MCMBP: variants seen among roughly 807,000 people sequenced by gnomAD.
The protein encoded by MCMBP is mini-chromosome maintenance complex-binding protein.
MCMBP carries 31 observed loss-of-function variants against 81.3 expected under a neutral mutation model. That is an observed-to-expected ratio of 0.38 (90% CI 0.29 to 0.51). The LOEUF is 0.51. Among genes scored for constraint, MCMBP ranks in the 20% least tolerant of loss-of-function variants. MCMBP has a pLI of 0.87. For missense variants in MCMBP, 645 were observed against 772.1 expected, an observed-to-expected ratio of 0.84 and a Z score of 1.95; for synonymous variants, 267 against 275.9, an observed-to-expected ratio of 0.97 and a Z score of 0.32.
At chr10:119,862,296 A>C (rs1853285877) in intron 1 of MCMBP, among the ~76,000 whole-genome samples, 1 of 152,020 alleles carries the variant, frequency 6.6e-6, no homozygotes, top group Non-Finnish European at 1.5e-5. Flanking sequence ...GACTAGAGTG[A>C]ATCTTCGTCC....
At chr10:119,834,861 CA>C (rs71019725) in intron 14 of MCMBP, among the ~76,000 whole-genome samples, 127 of 67,280 alleles carry the variant, frequency 1.9e-3, no homozygotes, top group South Asian at 0.015. Flanking sequence ...GACCCTGTCT[CA>C]AAAAAAAAAA....
At chr10:119,831,913 AT>A (rs1273034159) in intron 15 of MCMBP, 98 bp downstream of exon 15, 5 of 1,249,164 alleles carry the variant, frequency 4.0e-6, no homozygotes, top group Admixed American at 4.8e-5. Flanking sequence ...GGAAAAGTTC[AT>A]TTCCGTTTTT....
chr10:119,843,117 G>A (rs1412200481), intron 9 of MCMBP, 137 bp downstream of exon 9: 1 of 962,854 alleles, frequency 1.0e-6, no homozygotes, highest in Non-Finnish European at 1.7e-6. Context: ...GGGGCAACGA[G>A]AGAGAGATTA....
rs1853156141 is a variant in MCMBP, at chr10:119,859,153, T to C, written c.173A>G (p.His58Arg). Residue 58 changes from histidine to arginine, a missense_variant, in exon 3 of 16, where the codon CAT becomes CGT. His to Arg is a conservative substitution (Grantham distance 29). Transcript: ENST00000369077. ...CACAAAACTATTAGGTTTCAAATAA[T>C]GAAGGGGAACTTCGTTCAGTGATGG... ...WVPSLNEVPL[H>R]YLKPNSFVKF... The C allele has an allele frequency of 6.2e-7, 1 of 1,613,610 alleles. No homozygotes were observed. Among genetic ancestry groups the C allele is most frequent in the African/African-American group, 1.3e-5 (1 of 74,882 alleles).
rs1448468740 is a variant in MCMBP at position 119,872,837 on chromosome 10, G to A, written c.-253C>T. The A allele has an allele frequency of 1.2e-5, 2 of 162,436 alleles. No homozygotes were observed. The highest frequency in any genetic ancestry group is 2.4e-5 in the African/African-American group (1 of 41,514). The allele number at this position is 162,436 out of a possible 1,614,324, so 10.1% of individuals were successfully genotyped here. On this transcript the variant is annotated 5_prime_UTR_variant, in exon 1 of 16. Coordinates refer to ENST00000369077, the MANE Select transcript of MCMBP (RefSeq NM_001256378.2). ...CGTACGGGCCCCTAGCCTTCACTTC[G>A]CACAATGGCGGGAAATAGCCGCCGC... is the stretch of plus-strand genomic sequence containing the variant.
intron 1 of MCMBP, among the ~76,000 whole-genome samples, chr10:119,863,684 G>A (rs1437576377): frequency 1.0e-4 from 13 of 124,096 alleles, no homozygotes; most frequent in South Asian, 2.8e-4. Context: ...AGCTGAGATC[G>A]CACCACTGCA....
intron 11 of MCMBP, among the ~76,000 whole-genome samples, chr10:119,839,602 A>G (rs995804361): frequency 6.6e-6 from 1 of 151,854 alleles, no homozygotes; most frequent in African/African-American, 2.4e-5. Flanking sequence ...GGTCCCGAGA[A>G]CCCCCAGGGA....
chr10:119,837,126 C>T, intron 12 of MCMBP, 97 bp from the exon 13 acceptor site: 1 of 1,288,882 alleles, frequency 7.8e-7, no homozygotes, highest in Non-Finnish European at 1.1e-6. Context: ...GTTTCTACCA[C>T]TTTTAATAAA....
At chr10:119,841,876 TA>T (rs1852445786) in intron 10 of MCMBP, among the ~76,000 whole-genome samples, 1 of 152,154 alleles carries the variant, frequency 6.6e-6, no homozygotes, top group South Asian at 2.1e-4. Context: ...GCAAAAGGGA[TA>T]AAACAGCTCA....
In MCMBP at chr10:119,831,379, A is replaced by C. The variant is rs1852028950; in HGVS notation, c.*95T>G. ...AGGAAATGTCACTGGTTTGTGATAG[A>C]AATTACCTATAAAACAATGTGGTAT... On this transcript the variant is annotated 3_prime_UTR_variant, in exon 16 of 16. Transcript: ENST00000369077. 1 of 1,463,056 alleles carries C rather than the reference A, an allele frequency of 6.8e-7. No homozygotes were observed. The highest frequency in any genetic ancestry group is 1.9e-5 in the Admixed American group (1 of 52,782). The allele number at this position is 1,463,056 out of a possible 1,614,324, so 90.6% of individuals were successfully genotyped here.
At chr10:119,863,261 A>C (rs1330848589) in intron 1 of MCMBP, among the ~76,000 whole-genome samples, 6 of 152,130 alleles carry the variant, frequency 3.9e-5, no homozygotes, top group African/African-American at 1.4e-4. Flanking sequence ...TTTTCTTCTA[A>C]AAGTTTTATA....
intron 4 of MCMBP, 38 bp downstream of exon 4, chr10:119,858,846 C>A (rs1853142165): frequency 6.8e-7 from 1 of 1,461,224 alleles, no homozygotes; most frequent in East Asian, 2.3e-5. Context: ...GGAAAAAATT[C>A]TTACTAAAAA....
At chr10:119,863,992 T>C (rs1340387860) in intron 1 of MCMBP, among the ~76,000 whole-genome samples, 1 of 149,712 alleles carries the variant, frequency 6.7e-6, no homozygotes, top group Non-Finnish European at 1.5e-5. Flanking sequence ...TTAAGGTTAA[T>C]AATCAGTTGA....
rs557637633 is a variant in MCMBP at position 119,852,848 on chromosome 10, A to G, written c.574+202T>C. ...AGACTCCAAACACATACATCAGAGC[A>G]GCCACTTGTCACAAAGTGATGCCTA... On this transcript the variant is annotated intron_variant, in intron 6 of 15. Coordinates refer to ENST00000369077, the MANE Select transcript of MCMBP (RefSeq NM_001256378.2). 9.8e-5 allele frequency among the ~76,000 whole-genome samples: 15 copies of G among 152,382 alleles called. No homozygotes were observed. The South Asian group carries it at 1.4e-3, about 15-fold the overall frequency.
At position 119,848,853 on chromosome 10, in the gene MCMBP, A is replaced by G. The variant is rs150472710; in HGVS notation, c.726+572T>C. Among the ~76,000 whole-genome samples, 364 of 152,308 alleles carry G rather than the reference A, an allele frequency of 2.4e-3. 1 individual carries two copies. The highest frequency in any genetic ancestry group is 8.0e-3 in the African/African-American group (331 of 41,560). ...AAGGAAGAAGACAAAAATGAAGAAG[A>G]TATTATGTTAGAAATGATACAGGAA... is the stretch of plus-strand genomic sequence containing the variant. On this transcript the variant is annotated intron_variant, in intron 7 of 15. Coordinates refer to ENST00000369077, the MANE Select transcript of MCMBP (RefSeq NM_001256378.2).
intron 14 of MCMBP, among the ~76,000 whole-genome samples, chr10:119,834,552 C>G (rs376876753): frequency 1.1e-4 from 17 of 152,112 alleles, no homozygotes; most frequent in African/African-American, 4.1e-4. Flanking sequence ...CGAGGTAGCT[C>G]ACACCTCTAA....
At chr10:119,844,643 T>C (rs1211845496) in intron 8 of MCMBP, among the ~76,000 whole-genome samples, 1 of 152,160 alleles carries the variant, frequency 6.6e-6, no homozygotes, top group Non-Finnish European at 1.5e-5. Flanking sequence ...GATGTGTCTG[T>C]GAGGGTGTTG....
intron 13 of MCMBP, among the ~76,000 whole-genome samples, chr10:119,836,579 G>A (rs978675793): frequency 6.6e-6 from 1 of 152,158 alleles, no homozygotes; most frequent in Admixed American, 6.5e-5. Flanking sequence ...GTCAAAGGTA[G>A]CAAGAACAGA....
chr10:119,833,577 G>A (rs1303906805), intron 14 of MCMBP, among the ~76,000 whole-genome samples: 9 of 152,094 alleles, frequency 5.9e-5, no homozygotes, highest in Non-Finnish European at 1.0e-4. Flanking sequence ...ACTGAGGCAA[G>A]AGGATCACTT....
Sources: gnomAD v4.1 joint callset for allele counts (sites outside exome capture counted in the v4.1 genomes callset) on GRCh38, gnomAD v4.1.1 for gene constraint, MANE v1.5 for transcripts, NCBI Gene and HGNC (gene_info 2026-07-23, HGNC 2026-07-21) for gene names.